GLI1: variants seen among roughly 807,000 people sequenced by gnomAD.
GLI1 encodes transcription activator GLI1.
Under a neutral mutation model 87.8 loss-of-function variants are expected in GLI1, and 51 were observed. That is an observed-to-expected ratio of 0.58 (90% CI 0.46 to 0.73). The LOEUF is 0.73. Among genes scored for constraint, GLI1 ranks in the 30% least tolerant of loss-of-function variants. GLI1 has a pLI of 0.00. For synonymous variants in GLI1, 528 were observed against 558.2 expected, an observed-to-expected ratio of 0.95 and a Z score of 0.76; for missense variants, 1,292 against 1,437.2, an observed-to-expected ratio of 0.90 and a Z score of 1.63.
In GLI1 at chr12:57,465,877, T is replaced by C. The variant is rs200970693; in HGVS notation, c.714T>C (p.Arg238=). 7.4e-6 allele frequency: 12 copies of C among 1,613,902 alleles called. No homozygotes were observed. Among genetic ancestry groups the C allele is most frequent in the Non-Finnish European group, 5.9e-6 (7 of 1,179,882 alleles). The change falls in exon 7 of 12, where the codon CGT becomes CGC. Residue 238 remains arginine, a synonymous_variant. Transcript: ENST00000228682. ...AATCTGTGTATGAAACTGACTGCCG[T>C]TGGGATGGCTGCAGCCAGGAATTTG... The part of the protein sequence containing the change: ...EPESVYETDC[R]WDGCSQEFDS...
At chr12:57,462,417 C>G (rs1188803014) in intron 1 of GLI1, among the ~76,000 whole-genome samples, 1 of 151,954 alleles carries the variant, frequency 6.6e-6, no homozygotes, top group East Asian at 1.9e-4. Context: ...CCCACCGCGC[C>G]GGCCGGCCCG....
chr12:57,469,716 G>A lies in GLI1; in HGVS notation c.1576+18G>A, dbSNP rs1209067795. 6.2e-7 allele frequency: 1 copy of A among 1,610,460 alleles called. No homozygotes were observed. The highest frequency in any genetic ancestry group is 8.5e-7 in the Non-Finnish European group (1 of 1,178,120). Reference sequence around the variant, plus strand: ...CCACACCGGTGAGACCTGGGTGTGGGAGGTGTGGCTGGGGTGAGATCTGGA... The same window carrying A: ...CCACACCGGTGAGACCTGGGTGTGGAAGGTGTGGCTGGGGTGAGATCTGGA... On this transcript the variant is annotated intron_variant, in intron 11 of 11. Transcript: ENST00000228682.
chr12:57,471,119 C>T lies in GLI1; in HGVS notation c.2379C>T (p.Pro793=). 5.0e-6 allele frequency: 8 copies of T among 1,613,410 alleles called. No homozygotes were observed. Among genetic ancestry groups the T allele is most frequent in the South Asian group, 1.1e-5 (1 of 90,984 alleles). The change falls in exon 12 of 12, where the codon CCC becomes CCT. Residue 793 remains proline (P), a synonymous_variant. Transcript: ENST00000228682. This position sits in a 1 kb window ranked among gnomAD's most constrained non-coding sequence, Gnocchi z 4.9. ...FPSHSGLYPG[P]KALGGTYSQC... ...CCCACTCTGGGCTGTACCCAGGCCCCAAGGCTCTAGGTGGAACCTACAGCC... is the reference window on the plus strand; with the variant it reads ...CCCACTCTGGGCTGTACCCAGGCCCTAAGGCTCTAGGTGGAACCTACAGCC...
chr12:57,471,560 T>C lies in GLI1; in HGVS notation c.2820T>C (p.Arg940=). ...FLGGSQVSPS[R]AKAPVNTYGP... ...GGGGTTCCCAGGTTAGCCCAAGCCG[T>C]GCTAAAGCTCCAGTGAACACATATG... Residue 940 remains arginine (R), a synonymous_variant, in exon 12 of 12, where the codon CGT becomes CGC. Transcript: ENST00000228682. The surrounding 1 kb of genome is among the most constrained non-coding windows in gnomAD (Gnocchi z 4.9). 1.2e-6 allele frequency: 2 copies of C among 1,613,818 alleles called. No individual in the cohort carries two copies. The highest frequency in any genetic ancestry group is 8.5e-7 in the Non-Finnish European group (1 of 1,179,934).
intron 1 of GLI1, among the ~76,000 whole-genome samples, chr12:57,461,565 C>T (rs1347193866): frequency 2.6e-5 from 4 of 152,256 alleles, no homozygotes; most frequent in South Asian, 4.1e-4. Flanking sequence ...CGGGGACCCC[C>T]ACTCTCCAGT....
chr12:57,468,320 A>AGAGTGACTTCTATAG, intron 10 of GLI1, 96 bp downstream of exon 10: 1 of 759,056 alleles, frequency 1.3e-6, no homozygotes, highest in Non-Finnish European at 2.2e-6. Flanking sequence ...CTCCTATAGA[A>AGAGTGACTTCTATAG]GTCACTCTTC....
At chr12:57,461,785 T>G (rs1594740288) in intron 1 of GLI1, among the ~76,000 whole-genome samples, 2 of 145,840 alleles carry the variant, frequency 1.4e-5, no homozygotes, top group Admixed American at 6.8e-5. Flanking sequence ...GGACCGGGAG[T>G]AGGGGGGCGG....
chr12:57,464,949 C>A, intron 4 of GLI1, 81 bp downstream of exon 4: 1 of 1,270,278 alleles, frequency 7.9e-7, no homozygotes, highest in East Asian at 2.3e-5. Context: ...AACTACCTAA[C>A]CCTATTTGAA....
Position 57,464,082 on chromosome 12 carries a change from T to G in GLI1, c.184T>G (p.Cys62Gly). 1 of 1,606,102 alleles carries G rather than the reference T, an allele frequency of 6.2e-7. No individual in the cohort carries two copies. The highest frequency in any genetic ancestry group is 8.5e-7 in the Non-Finnish European group (1 of 1,172,648). The part of the protein sequence containing the change: ...SYGPARETNS[C>G]TEGPLFSSPR... ...TGGGCCAGCCAGAGAGACCAACAGCTGCACCGAGGGTGAGGGCTCAGGCAA... is the reference window on the plus strand; with the variant it reads ...TGGGCCAGCCAGAGAGACCAACAGCGGCACCGAGGGTGAGGGCTCAGGCAA... Residue 62 changes from cysteine (C) to glycine (G), a missense_variant, in exon 3 of 12, where the codon TGC becomes GGC. Around this residue, in one of 3 missense-constraint regions of GLI1, gnomAD observed 383 missense variants for 368.4 expected, o/e 1.04. Coordinates refer to ENST00000228682, the MANE Select transcript of GLI1 (RefSeq NM_005269.3).
At chr12:57,462,755 ACT>A (rs2139848231) in intron 1 of GLI1, among the ~76,000 whole-genome samples, 1 of 151,894 alleles carries the variant, frequency 6.6e-6, no homozygotes, top group Admixed American at 6.6e-5. Flanking sequence ...CCTCCTCCAC[ACT>A]GTTTTCTGTC....
chr12:57,460,723 G>A (rs1871081499), intron 1 of GLI1, among the ~76,000 whole-genome samples: 1 of 145,850 alleles, frequency 6.9e-6, no homozygotes, highest in African/African-American at 2.5e-5. Context: ...TGTGCCAGTG[G>A]ATGCTTGTGC....
At chr12:57,460,762 T>C (rs1364798056) in intron 1 of GLI1, among the ~76,000 whole-genome samples, 1 of 68,146 alleles carries the variant, frequency 1.5e-5, no homozygotes, top group Non-Finnish European at 2.7e-5. Context: ...CTTCTGGACT[T>C]GGAAGGGGGC....
intron 1 of GLI1, among the ~76,000 whole-genome samples, chr12:57,461,598 C>T (rs1871141354): frequency 1.3e-5 from 2 of 152,264 alleles, no homozygotes; most frequent in Non-Finnish European, 2.9e-5. Flanking sequence ...GGCGCCACTG[C>T]CTGCTTTCCG....
chr12:57,464,983 C>T, intron 4 of GLI1, 115 bp downstream of exon 4: 2 of 1,217,580 alleles, frequency 1.6e-6, no homozygotes, highest in Admixed American at 1.7e-5. Context: ...AAAGACAACT[C>T]TCCTCAGTAC....
Position 57,471,507 on chromosome 12 carries a change from C to T in GLI1, c.2767C>T (p.Pro923Ser). 1 of 1,610,806 alleles carries T rather than the reference C, an allele frequency of 6.2e-7. No homozygotes were observed. Among genetic ancestry groups the T allele is most frequent in the Non-Finnish European group, 8.5e-7 (1 of 1,178,818 alleles). Residue 923 changes from proline (P) to serine (S), a missense_variant, in exon 12 of 12, where the codon CCT becomes TCT. Coordinates refer to ENST00000228682, the MANE Select transcript of GLI1 (RefSeq NM_005269.3). This position sits in a 1 kb window ranked among gnomAD's most constrained non-coding sequence, Gnocchi z 4.9. Reference protein sequence around the residue: ...GGREDAPAQEPSYQSPKFLGG... With the variant: ...GGREDAPAQESSYQSPKFLGG... ...CAGGGAAGATGCCCCCGCCCAGGAA[C>T]CTTCCTACCAGAGTCCCAAGTTTCT...
chr12:57,467,302 A>G (rs766106680), intron 8 of GLI1, 31 bp from the exon 9 acceptor site: 1 of 1,571,156 alleles, frequency 6.4e-7, no homozygotes, highest in Non-Finnish European at 8.7e-7. Context: ...TCTGTCTGAG[A>G]ACTATCCTTT....
At position 57,465,140 on chromosome 12, in the gene GLI1, A is replaced by T; in HGVS notation, c.419A>T (p.Asn140Ile). Reference sequence around the variant, plus strand: ...TCTCTGGGATTCCCAGCCCAGATGAATCACCAAAAAGGGCCCTCGCCTTCC... The same window carrying T: ...TCTCTGGGATTCCCAGCCCAGATGATTCACCAAAAAGGGCCCTCGCCTTCC... The part of the protein sequence containing the change: ...SPSLGFPAQM[N>I]HQKGPSPSFG... The change falls in exon 5 of 12, where the codon AAT becomes ATT. Residue 140 changes from asparagine to isoleucine, a missense_variant. Asn to Ile is a moderately radical substitution (Grantham distance 149, BLOSUM62 -3). This residue lies in a region of GLI1 where 383 missense variants were observed against 368.4 expected (regional missense o/e 1.04). Coordinates refer to ENST00000228682, the MANE Select transcript of GLI1 (RefSeq NM_005269.3). 1.9e-6 allele frequency: 3 copies of T among 1,614,132 alleles called. No homozygotes were observed. The highest frequency in any genetic ancestry group is 2.5e-6 in the Non-Finnish European group (3 of 1,179,986).
chr12:57,466,397 A>G lies in GLI1; in HGVS notation c.912+8A>G. On this transcript the variant is annotated splice_region_variant and intron_variant, in intron 8 of 11. Transcript: ENST00000228682. ...AAGCCACACAAGTGCACGGTGAGGCACCAGTGTCCCAAGTCCAGGGTCTCT... is the reference window on the plus strand; with the variant it reads ...AAGCCACACAAGTGCACGGTGAGGCGCCAGTGTCCCAAGTCCAGGGTCTCT... 1 of 1,606,938 alleles carries G rather than the reference A, an allele frequency of 6.2e-7. No individual in the cohort carries two copies. The highest frequency in any genetic ancestry group is 8.5e-7 in the Non-Finnish European group (1 of 1,175,270).
In GLI1 at chr12:57,470,531, A is replaced by G; in HGVS notation, c.1791A>G (p.Arg597=). The G allele has an allele frequency of 1.2e-6, 2 of 1,614,032 alleles. No homozygotes were observed. The highest frequency in any genetic ancestry group is 1.7e-6 in the Non-Finnish European group (2 of 1,179,958). ...TTCGGGCAAGATATGCTTCAGCCAG[A>G]GGGGGTGGTACTTCGCCCACTGCAG... ...YLLRARYASA[R]GGGTSPTAAS... Residue 597 remains arginine (R), a synonymous_variant, in exon 12 of 12, where the codon AGA becomes AGG. Coordinates refer to ENST00000228682, the MANE Select transcript of GLI1 (RefSeq NM_005269.3).
Sources: allele counts gnomAD v4.1 joint callset (sites outside exome capture counted in the v4.1 genomes callset), GRCh38; gene constraint gnomAD v4.1.1; regional missense constraint gnomAD v4.1.1; non-coding constraint Gnocchi (gnomAD v3.1); transcripts MANE v1.5; gene names NCBI Gene and HGNC (gene_info 2026-07-23, HGNC 2026-07-21).